MGAT3: variants seen among roughly 807,000 people sequenced by gnomAD.
MGAT3 encodes beta-1,4-mannosyl-glycoprotein 4-beta-N-acetylglucosaminyltransferase.
In MGAT3, 9 loss-of-function variants were observed where a neutral mutation model predicts 29.8. The observed-to-expected ratio is 0.30, with a 90% CI of 0.18 to 0.53. MGAT3 has a LOEUF of 0.53. MGAT3 is among the 20% of genes least tolerant of loss of function. The pLI is 0.96. For missense variants in MGAT3, 557 were observed against 769.5 expected (o/e 0.72, Z 3.27); for synonymous variants, 397 against 348.9 (o/e 1.14, Z -1.54).
At position 39,490,409 on chromosome 22, in the gene MGAT3, T is replaced by G. The variant is rs894434467; in HGVS notation, c.*1460T>G. The G allele has an allele frequency of 2.4e-5, 4 of 167,018 alleles. No homozygotes were observed. Among genetic ancestry groups the G allele is most frequent in the African/African-American group, 9.6e-5 (4 of 41,452 alleles). The allele number at this position is 167,018 out of a possible 1,614,324, so 10.3% of individuals were successfully genotyped here. A position where few individuals can be genotyped will look rare whatever the true frequency, so the allele number is the denominator to read the frequency against. On this transcript the variant is annotated 3_prime_UTR_variant, in exon 2 of 2. Transcript: ENST00000341184. ...GTCTTCAGCGGGGCCGCCATGTGCC[T>G]GGCCTCACCTTGGGAGTTATCTTAT...
chr22:39,465,004 C>G (rs1392135794), intron 1 of MGAT3, among the ~76,000 whole-genome samples: 2 of 152,162 alleles, frequency 1.3e-5, no homozygotes, highest in African/African-American at 4.8e-5. Flanking sequence ...ATCTGCCTGC[C>G]TCGGCCTCCC....
At position 39,488,427 on chromosome 22, in the gene MGAT3, G is replaced by A. The variant is rs1382490100; in HGVS notation, c.1080G>A (p.Glu360=). ...GFFWKQPGTL[E]VVSGCTVDML... is the part of the protein sequence containing the mutation. ...TCTGGAAGCAGCCGGGCACCCTGGA[G>A]GTGGTGTCAGGCTGCACGGTGGACA... Residue 360 remains glutamate (E), a synonymous_variant, in exon 2 of 2, where the codon GAG becomes GAA. Coordinates refer to ENST00000341184, the MANE Select transcript of MGAT3 (RefSeq NM_002409.5). 6.2e-7 allele frequency: 1 copy of A among 1,612,852 alleles called. No homozygotes were observed. Among genetic ancestry groups the A allele is most frequent in the African/African-American group, 1.3e-5 (1 of 75,064 alleles).
rs141017302 is a variant in MGAT3, at chr22:39,474,655, C to G, written c.-1-12692C>G. On this transcript the variant is annotated intron_variant, in intron 1 of 1. Transcript: ENST00000341184. ...TCATGTGTGGCCCTGCAGAGGGGAC[C>G]CTTTTCCTCTCCCTGAGAGATAAAG... is the stretch of plus-strand genomic sequence containing the variant. 5.6e-3 allele frequency among the ~76,000 whole-genome samples: 859 copies of G among 152,312 alleles called. 11 individuals carry two copies. The highest frequency in any genetic ancestry group is 0.019 in the African/African-American group (796 of 41,568).
chr22:39,471,618 T>C (rs1039291758), intron 1 of MGAT3, among the ~76,000 whole-genome samples: 1 of 151,318 alleles, frequency 6.6e-6, no homozygotes, highest in African/African-American at 2.4e-5. Flanking sequence ...TCTGCAGAGA[T>C]GGCAAGGCCC....
chr22:39,464,741 T>C (rs1453314302), intron 1 of MGAT3, among the ~76,000 whole-genome samples: 1 of 151,312 alleles, frequency 6.6e-6, no homozygotes, highest in African/African-American at 2.4e-5. Context: ...GAGCCTGGCC[T>C]GATACATATT....
intron 1 of MGAT3, among the ~76,000 whole-genome samples, chr22:39,477,115 A>T (rs1928988051): frequency 6.6e-6 from 1 of 152,196 alleles, no homozygotes; most frequent in African/African-American, 2.4e-5. Context: ...CAGGGAAGGA[A>T]CCAGTAGCAG....
chr22:39,469,154 G>A (rs1209097809), intron 1 of MGAT3, among the ~76,000 whole-genome samples: 4 of 149,522 alleles, frequency 2.7e-5, no homozygotes, highest in Non-Finnish European at 4.4e-5. Context: ...GGGTGGGGAG[G>A]GGCCCAGATT....
At chr22:39,471,391 C>T (rs936433718) in intron 1 of MGAT3, among the ~76,000 whole-genome samples, 15 of 152,110 alleles carry the variant, frequency 9.9e-5, no homozygotes, top group Non-Finnish European at 2.1e-4. Context: ...GCAACAGGGG[C>T]CTATTGATGA....
intron 1 of MGAT3, among the ~76,000 whole-genome samples, chr22:39,485,041 A>C (rs1471561313): frequency 6.6e-6 from 1 of 152,118 alleles, no homozygotes; most frequent in Admixed American, 6.5e-5. Flanking sequence ...CCAGAGAAAG[A>C]ATCAAAAATA....
intron 1 of MGAT3, chr22:39,477,814 T>A (rs1046721935): frequency 1.3e-5 from 2 of 152,258 alleles, no homozygotes; most frequent in Non-Finnish European, 2.9e-5. Context: ...GTCCTGAGCA[T>A]CTGTTGTGTG....
chr22:39,482,517 C>T (rs935859891), intron 1 of MGAT3, among the ~76,000 whole-genome samples: 2 of 152,180 alleles, frequency 1.3e-5, no homozygotes, highest in Admixed American at 1.3e-4. Flanking sequence ...TTCTGAGTCT[C>T]GTTTTCTCCA....
chr22:39,463,540 C>T (rs1305694395), intron 1 of MGAT3, among the ~76,000 whole-genome samples: 1 of 152,168 alleles, frequency 6.6e-6, no homozygotes, highest in African/African-American at 2.4e-5. Context: ...GTCACCTGGG[C>T]GGCCTGCGTA....
intron 1 of MGAT3, among the ~76,000 whole-genome samples, chr22:39,484,875 C>T (rs1229327433): frequency 1.3e-5 from 2 of 151,994 alleles, no homozygotes; most frequent in Admixed American, 6.5e-5. Flanking sequence ...TGGTGGCACA[C>T]GCCTGTAATT....
At chr22:39,485,407 A>G (rs1273923823) in intron 1 of MGAT3, among the ~76,000 whole-genome samples, 7 of 152,230 alleles carry the variant, frequency 4.6e-5, no homozygotes, top group Non-Finnish European at 8.8e-5. Flanking sequence ...CCATGGTGGT[A>G]TAAACTGGGA....
chr22:39,471,261 G>C (rs1363083978), intron 1 of MGAT3, among the ~76,000 whole-genome samples: 1 of 152,182 alleles, frequency 6.6e-6, no homozygotes, highest in Admixed American at 6.5e-5. Flanking sequence ...GTAAGGCTGA[G>C]TGGGCTGGGA....
In MGAT3 at chr22:39,457,619, T is replaced by A. The variant is rs113553065; in HGVS notation, c.-2+62T>A. Reference sequence around the variant, plus strand: ...CCCTCTATCCCCGCGCTGCCCGCCCTCCCGCGCTGCGCTTGGCGCCCCCCG... The same window carrying A: ...CCCTCTATCCCCGCGCTGCCCGCCCACCCGCGCTGCGCTTGGCGCCCCCCG... On this transcript the variant is annotated intron_variant, in intron 1 of 1. Transcript: ENST00000341184. This position sits in a 1 kb window ranked among gnomAD's most constrained non-coding sequence, Gnocchi z 6.8. 1 of 147,202 alleles carries A rather than the reference T, an allele frequency of 6.8e-6. No individual in the cohort carries two copies. The allele number at this position is 147,202 out of a possible 1,614,324, so 9.1% of individuals were successfully genotyped here.
chr22:39,483,832 G>A (rs1329405012), intron 1 of MGAT3, among the ~76,000 whole-genome samples: 1 of 152,224 alleles, frequency 6.6e-6, no homozygotes, highest in East Asian at 1.9e-4. Context: ...GGGACATTTA[G>A]CAGAGGTCAG....
In MGAT3 at chr22:39,457,666, C is replaced by G. The variant is rs1003840082; in HGVS notation, c.-2+109C>G. On this transcript the variant is annotated intron_variant, in intron 1 of 1. Coordinates refer to ENST00000341184, the MANE Select transcript of MGAT3 (RefSeq NM_002409.5). This position sits in a 1 kb window ranked among gnomAD's most constrained non-coding sequence, Gnocchi z 6.8. ...CCCGCCCGGCTCCGCGGCCCACTCC[C>G]CGAGCGTGACCTTAGGGGGCGGGCG... is the stretch of plus-strand genomic sequence containing the variant. 13 of 150,298 alleles carry G rather than the reference C, an allele frequency of 8.6e-5. No homozygotes were observed. Among genetic ancestry groups the G allele is most frequent in the African/African-American group, 2.9e-4 (12 of 41,246 alleles). 9.3% of individuals were successfully genotyped at this position (150,298 alleles called of 1,614,324 possible).
At position 39,491,976 on chromosome 22, in the gene MGAT3, T is replaced by C. The variant is rs1929464778; in HGVS notation, c.*3027T>C. Reference sequence around the variant, plus strand: ...AGATCTTTGGGGGCAACAGGGAGAGTCTGGGTGGGGAGACGGGACTTGTCC... The same window carrying C: ...AGATCTTTGGGGGCAACAGGGAGAGCCTGGGTGGGGAGACGGGACTTGTCC... On this transcript the variant is annotated 3_prime_UTR_variant, in exon 2 of 2. Coordinates refer to ENST00000341184, the MANE Select transcript of MGAT3 (RefSeq NM_002409.5). This position sits in a 1 kb window ranked among gnomAD's most constrained non-coding sequence, Gnocchi z 5.5. 1 of 165,540 alleles carries C rather than the reference T, an allele frequency of 6.0e-6. No individual in the cohort carries two copies. 10.3% of individuals were successfully genotyped at this position (165,540 alleles called of 1,614,324 possible). A position where few individuals can be genotyped will look rare whatever the true frequency, so the allele number is the denominator to read the frequency against.
Sources: gnomAD v4.1 joint callset for allele counts (sites outside exome capture counted in the v4.1 genomes callset) on GRCh38, gnomAD v4.1.1 for gene constraint, Gnocchi (gnomAD v3.1) non-coding constraint, MANE v1.5 for transcripts, NCBI Gene and HGNC (gene_info 2026-07-23, HGNC 2026-07-21) for gene names.